The following FAM20A variants were observed in gnomAD, a reference collection of about 807,000 sequenced individuals.
FAM20A encodes pseudokinase FAM20A.
Under a neutral mutation model 52.0 loss-of-function variants are expected in FAM20A, and 42 were observed. That is an observed-to-expected ratio of 0.81 (90% CI 0.63 to 1.04). FAM20A has a LOEUF of 1.04. FAM20A is among the 50% of genes least tolerant of loss of function. The pLI is 0.00. For missense variants in FAM20A, 742 were observed against 712.7 expected (o/e 1.04, Z -0.47); for synonymous variants, 304 against 298.9 (o/e 1.02, Z -0.18).
At chr17:68,539,221 C>G (rs1043946041) in intron 10 of FAM20A, 116 bp downstream of exon 10, 69 of 928,388 alleles carry the variant, frequency 7.4e-5, no homozygotes, top group Non-Finnish European at 1.2e-4. Flanking sequence ...TCATGTCATT[C>G]TACCCACTTA....
chr17:68,551,889 T>C lies in FAM20A; in HGVS notation c.703A>G (p.Met235Val). ...GTCACTTACCTCATGGGTTTGAACA[T>C]GGCCTTCCCGAAATCCGAGAACCTC... ...VLRFSDFGKA[M>V]FKPMRQQRDE... The change falls in exon 4 of 11, where the codon ATG becomes GTG. Residue 235 changes from methionine (M) to valine (V), a missense_variant. Coordinates refer to ENST00000592554, the MANE Select transcript of FAM20A (RefSeq NM_017565.4). 3 of 1,586,180 alleles carry C rather than the reference T, an allele frequency of 1.9e-6. No individual in the cohort carries two copies. Among genetic ancestry groups the C allele is most frequent in the Non-Finnish European group, 2.6e-6 (3 of 1,164,218 alleles).
At chr17:68,575,470 T>C (rs1224280212) in intron 1 of FAM20A, among the ~76,000 whole-genome samples, 3 of 119,470 alleles carry the variant, frequency 2.5e-5, no homozygotes, top group African/African-American at 9.7e-5. Context: ...TTATATATAA[T>C]ATATTTTATA....
chr17:68,537,901 A>G lies in FAM20A; in HGVS notation c.1362-160T>C, dbSNP rs534446744. 6.6e-6 allele frequency among the ~76,000 whole-genome samples: 1 copy of G among 152,308 alleles called. No homozygotes were observed. Among genetic ancestry groups the G allele is most frequent in the East Asian group, 1.9e-4 (1 of 5,188 alleles). On this transcript the variant is annotated intron_variant, in intron 10 of 10. Coordinates refer to ENST00000592554, the MANE Select transcript of FAM20A (RefSeq NM_017565.4). This position sits in a 1 kb window ranked among gnomAD's most constrained non-coding sequence, Gnocchi z 4.2. ...ATGGAAACCAGGTAAAAAGGGAACA[A>G]ATGAAAGGCAAAATCCAGTATCCTG...
chr17:68,599,970 G>A (rs1329937810), intron 1 of FAM20A, among the ~76,000 whole-genome samples: 1 of 152,202 alleles, frequency 6.6e-6, no homozygotes, highest in South Asian at 2.1e-4. Flanking sequence ...AGCAGGAGTG[G>A]GGCTCAACGA....
chr17:68,571,844 C>A (rs1464465780), intron 1 of FAM20A, among the ~76,000 whole-genome samples: 2 of 150,962 alleles, frequency 1.3e-5, no homozygotes, highest in African/African-American at 2.4e-5. Flanking sequence ...AATACAAAAC[C>A]AGGTATGAGA....
intron 1 of FAM20A, among the ~76,000 whole-genome samples, chr17:68,562,336 G>A (rs867557897): frequency 1.3e-5 from 2 of 152,246 alleles, no homozygotes; most frequent in Admixed American, 6.5e-5. Context: ...GTAGAAGGAT[G>A]TCTAATTTCA....
intron 1 of FAM20A, among the ~76,000 whole-genome samples, chr17:68,587,192 C>T (rs2088184982): frequency 6.6e-6 from 1 of 152,206 alleles, no homozygotes; most frequent in Non-Finnish European, 1.5e-5. Flanking sequence ...GCCACCGCGC[C>T]TGACTGACCT....
At chr17:68,554,694 A>G in intron 3 of FAM20A, 83 bp downstream of exon 3, 2 of 1,322,266 alleles carry the variant, frequency 1.5e-6, no homozygotes, top group Non-Finnish European at 2.1e-6. Flanking sequence ...ACTCTTGCCC[A>G]AGGTCGCCAC....
At chr17:68,591,105 G>A (rs1053332627) in intron 1 of FAM20A, among the ~76,000 whole-genome samples, 1 of 151,764 alleles carries the variant, frequency 6.6e-6, no homozygotes, top group Non-Finnish European at 1.5e-5. Flanking sequence ...GTTTTGTTTT[G>A]TTTTGTTTTG....
At chr17:68,599,487 A>G (rs1480272599) in intron 1 of FAM20A, among the ~76,000 whole-genome samples, 1 of 151,978 alleles carries the variant, frequency 6.6e-6, no homozygotes, top group Admixed American at 6.6e-5. Flanking sequence ...TTTCCTCTGT[A>G]TTTTGCTTTG....
rs2086267651 is a variant in FAM20A, at chr17:68,541,052, C to T, written c.1110-94G>A. The T allele has an allele frequency of 3.3e-6, 5 of 1,535,034 alleles. No individual in the cohort carries two copies. The African/African-American group carries it at 4.1e-5, about 13-fold the overall frequency. On this transcript the variant is annotated intron_variant, in intron 7 of 10. Coordinates refer to ENST00000592554, the MANE Select transcript of FAM20A (RefSeq NM_017565.4). ...CTCCCCCTGCCCCCCCAATCCCTGC[C>T]TCCCTGATCCTGCCCTGGGCTGGTG...
Position 68,535,799 on chromosome 17 carries a change from G to A in FAM20A, c.*1678C>T. On this transcript the variant is annotated 3_prime_UTR_variant, in exon 11 of 11. Transcript: ENST00000592554. ...GCTGGGATTACAGGTGTGAGCCCAT[G>A]CCCAGCTGATTTTTTTTTTAAGCAA... 1 of 453,818 alleles carries A rather than the reference G, an allele frequency of 2.2e-6. No homozygotes were observed. Among genetic ancestry groups the A allele is most frequent in the South Asian group, 1.6e-5 (1 of 64,462 alleles). 28.1% of individuals were successfully genotyped at this position (453,818 alleles called of 1,614,324 possible).
intron 2 of FAM20A, 66 bp from the exon 3 acceptor site, chr17:68,554,893 G>A (rs544577885): frequency 7.8e-6 from 12 of 1,539,474 alleles, no homozygotes; most frequent in Middle Eastern, 1.7e-4. Flanking sequence ...ACAACATGGA[G>A]GTCCCTTGAC....
At chr17:68,554,585 G>A (rs1390272474) in intron 3 of FAM20A, among the ~76,000 whole-genome samples, 192 bp downstream of exon 3, 2 of 152,208 alleles carry the variant, frequency 1.3e-5, no homozygotes, top group Admixed American at 6.5e-5. Flanking sequence ...GCCCAGCGGG[G>A]CCTATACAAC....
intron 1 of FAM20A, among the ~76,000 whole-genome samples, chr17:68,585,165 A>T (rs2088131362): frequency 6.6e-6 from 1 of 152,040 alleles, no homozygotes; most frequent in Non-Finnish European, 1.5e-5. Flanking sequence ...TGGCCCTTAG[A>T]CCTGTGGCTT....
intron 4 of FAM20A, among the ~76,000 whole-genome samples, chr17:68,545,662 A>G (rs914681551): frequency 1.3e-5 from 2 of 152,218 alleles, no homozygotes; most frequent in African/African-American, 2.4e-5. Flanking sequence ...CAAAAGATGT[A>G]TCTGTAGCAC....
chr17:68,544,912 C>A (rs2086476609), intron 4 of FAM20A, among the ~76,000 whole-genome samples: 1 of 152,112 alleles, frequency 6.6e-6, no homozygotes. Flanking sequence ...ATTTTAAATT[C>A]AAAGGTTGTT....
intron 9 of FAM20A, 136 bp from the exon 10 acceptor site, chr17:68,539,532 G>T: frequency 1.3e-6 from 1 of 777,936 alleles, no homozygotes; most frequent in Non-Finnish European, 2.3e-6. Context: ...TGCCTCTCCA[G>T]CCCCTCTCCC....
intron 1 of FAM20A, among the ~76,000 whole-genome samples, chr17:68,564,697 G>T (rs1123261): frequency 6.6e-6 from 1 of 152,228 alleles, no homozygotes; most frequent in South Asian, 2.1e-4. Context: ...TGGGCCTTAG[G>T]AGGTGGGTGT....
Sources: gnomAD v4.1 joint callset for allele counts (sites outside exome capture counted in the v4.1 genomes callset) on GRCh38, gnomAD v4.1.1 for gene constraint, Gnocchi (gnomAD v3.1) non-coding constraint, MANE v1.5 for transcripts, NCBI Gene and HGNC (gene_info 2026-07-23, HGNC 2026-07-21) for gene names.